Variants in CEP170B observed in about 807,000 individuals in gnomAD.
CEP170B encodes the protein centrosomal protein 170B.
Under a neutral mutation model 120.6 loss-of-function variants are expected in CEP170B, and 55 were observed. That is an observed-to-expected ratio of 0.46 (90% CI 0.37 to 0.57). The LOEUF (loss-of-function observed/expected upper bound fraction) is 0.57, where lower values mean the gene tolerates loss of function less well. CEP170B is among the 20% of genes least tolerant of loss of function. CEP170B has a pLI of 0.00. For synonymous variants in CEP170B, 1,033 were observed against 954.5 expected, an observed-to-expected ratio of 1.08 and a Z score of -1.52; for missense variants, 2,212 against 2,253.3, an observed-to-expected ratio of 0.98 and a Z score of 0.37.
Position 104,889,666 on chromosome 14 carries a change from G to A in CEP170B, c.3786G>A (p.Arg1262=), listed in dbSNP as rs74722628. Residue 1262 remains arginine (R), a synonymous_variant, in exon 13 of 19, where the codon CGG becomes CGA. Transcript: ENST00000414716. ...RAGSSSRARS[R]APGPRDTDDD... Reference sequence around the variant, plus strand: ...GCAGCTCCAGCCGGGCTCGTTCCCGGGCCCCCGGCCCCCGGGACACGGACG... The same window carrying A: ...GCAGCTCCAGCCGGGCTCGTTCCCGAGCCCCCGGCCCCCGGGACACGGACG... The A allele has an allele frequency of 6.2e-7, 1 of 1,612,108 alleles. No homozygotes were observed. Among genetic ancestry groups the A allele is most frequent in the South Asian group, 1.1e-5 (1 of 91,070 alleles).
intron 13 of CEP170B, among the ~76,000 whole-genome samples, chr14:104,889,999 AGGG>A (rs1566872656): frequency 9.8e-4 from 2 of 2,042 alleles, no homozygotes; most frequent in Admixed American, 0.012. Context: ...GATGGATAGG[AGGG>A]TGGGTGGGTG....
chr14:104,889,549 G>A (rs761175449), intron 12 of CEP170B, 71 bp from the exon 13 acceptor site: 26 of 1,598,944 alleles, frequency 1.6e-5, no homozygotes, highest in East Asian at 8.9e-5. Flanking sequence ...CGGATTACAC[G>A]TCCACCTCTG....
In CEP170B at chr14:104,887,940, TCAG is replaced by T; in HGVS notation, c.3705_3707del (p.Ser1235del). On this transcript the variant is annotated inframe_deletion, in exon 12 of 19. Transcript: ENST00000414716. ...ACCACCACGGGTCCCCGCCAGCCCT[TCAG>T]CAGGGCCCGCTCAGGCAGTGCCCGA... is the stretch of plus-strand genomic sequence containing the variant. The T allele has an allele frequency of 6.5e-7, 1 of 1,541,620 alleles. No homozygotes were observed. Among genetic ancestry groups the T allele is most frequent in the Non-Finnish European group, 8.7e-7 (1 of 1,148,228 alleles).
intron 3 of CEP170B, 75 bp from the exon 4 acceptor site, chr14:104,877,810 A>AC: frequency 1.2e-5 from 4 of 334,196 alleles, no homozygotes; most frequent in South Asian, 9.5e-5. Context: ...GCTCAGCCCC[A>AC]CCACCCTGCG....
Position 104,870,949 on chromosome 14 carries a change from C to A in CEP170B, c.105+2394C>A, listed in dbSNP as rs56688900. On this transcript the variant is annotated intron_variant, in intron 2 of 18. Transcript: ENST00000414716. This position sits in a 1 kb window ranked among gnomAD's most constrained non-coding sequence, Gnocchi z 4.1. ...CTACCTGCCCACCGCTGCCCCCTGC[C>A]GGCCTCTGTCACCCCTCACTCCCTG... Among the ~76,000 whole-genome samples, 1 of 152,014 alleles carries A rather than the reference C, an allele frequency of 6.6e-6. No individual in the cohort carries two copies.
intron 12 of CEP170B, 68 bp from the exon 13 acceptor site, chr14:104,889,552 C>T: frequency 6.2e-7 from 1 of 1,600,174 alleles, no homozygotes; most frequent in South Asian, 1.1e-5. Context: ...ATTACACGTC[C>T]ACCTCTGAGG....
intron 6 of CEP170B, among the ~76,000 whole-genome samples, chr14:104,882,250 C>T (rs962615057): frequency 1.3e-5 from 2 of 152,224 alleles, no homozygotes; most frequent in African/African-American, 4.8e-5. Flanking sequence ...GCTGCCCACC[C>T]CCAGGGCCAC....
At chr14:104,888,662 G>A (rs557392390) in intron 12 of CEP170B, among the ~76,000 whole-genome samples, 10 of 152,368 alleles carry the variant, frequency 6.6e-5, no homozygotes, top group African/African-American at 2.4e-4. Flanking sequence ...GAGCTGTCCT[G>A]CGAGTGGATT....
At chr14:104,885,335 ACCC>A (rs1420854535) in intron 9 of CEP170B, 31 bp from the exon 10 acceptor site, 6 of 1,516,982 alleles carry the variant, frequency 4.0e-6, no homozygotes, top group Admixed American at 2.2e-5. Flanking sequence ...GGCTTCTCTG[ACCC>A]TCGGTGCCTG....
In CEP170B at chr14:104,887,714, G is replaced by T; in HGVS notation, c.3475G>T (p.Glu1159Ter). ...TGAGCCCGTGGGCCGGCCAGCTGCT[G>T]AGCAGGCCAAGAAGCTGTCACGCCT... ...NPEPVGRPAA[E>*]QAKKLSRLDI... is the part of the protein sequence containing the mutation. Residue 1159 changes from glutamate to a stop codon, truncating the protein, a stop_gained, in exon 12 of 19, where the codon GAG becomes TAG. Transcript: ENST00000414716. LOFTEE classifies it high-confidence loss of function. 6.3e-7 allele frequency: 1 copy of T among 1,586,314 alleles called. No homozygotes were observed. Among genetic ancestry groups the T allele is most frequent in the East Asian group, 2.3e-5 (1 of 43,616 alleles).
chr14:104,868,489 C>T lies in CEP170B; in HGVS notation c.39C>T (p.Gly13=), dbSNP rs770013504. 16 of 1,549,260 alleles carry T rather than the reference C, an allele frequency of 1.0e-5. No individual in the cohort carries two copies. The highest frequency in any genetic ancestry group is 1.2e-5 in the South Asian group (1 of 84,016). The change falls in exon 2 of 19, where the codon GGC becomes GGT. Residue 13 remains glycine, a synonymous_variant. Coordinates refer to ENST00000414716, the MANE Select transcript of CEP170B (RefSeq NM_001112726.3). The surrounding 1 kb of genome is among the most constrained non-coding windows in gnomAD (Gnocchi z 5.9). ...CCTGGTTCCTGGTGAGCAGCAGCGGCGCCCGCCACCGGCTCCCTCGGGAGC... is the reference window on the plus strand; with the variant it reads ...CCTGGTTCCTGGTGAGCAGCAGCGGTGCCCGCCACCGGCTCCCTCGGGAGC... ...ATSWFLVSSS[G]ARHRLPRELI...
intron 10 of CEP170B, 133 bp downstream of exon 10, chr14:104,885,675 TG>T: frequency 8.0e-7 from 1 of 1,256,530 alleles, no homozygotes; most frequent in Non-Finnish European, 1.1e-6. Context: ...CAGAGGAGGG[TG>T]GGCTGGGGCT....
At chr14:104,866,918 C>T (rs78092206) in intron 1 of CEP170B, among the ~76,000 whole-genome samples, 3,302 of 152,232 alleles carry the variant, frequency 0.022, 58 homozygotes, top group Non-Finnish European at 0.034. Flanking sequence ...CTGCTGTCAT[C>T]CCTGTCCTGG....
At chr14:104,883,721 C>T in intron 8 of CEP170B, 110 bp from the exon 9 acceptor site, 2 of 1,198,624 alleles carry the variant, frequency 1.7e-6, no homozygotes, top group South Asian at 3.2e-5. Context: ...GCCCTGAGGG[C>T]TGGGGTGCTT....
intron 2 of CEP170B, among the ~76,000 whole-genome samples, chr14:104,869,717 G>T (rs1399448706): frequency 1.3e-5 from 2 of 152,170 alleles, no homozygotes; most frequent in African/African-American, 4.8e-5. Flanking sequence ...GAGGAAGCTG[G>T]CTCACCCCTT....
At chr14:104,880,546 C>T (rs1896092829) in intron 6 of CEP170B, 121 bp downstream of exon 6, 3 of 1,420,870 alleles carry the variant, frequency 2.1e-6, no homozygotes, top group Non-Finnish European at 1.9e-6. Context: ...ACCCATACCC[C>T]TCACCCTTTG....
rs945956701 is a variant in CEP170B at position 104,865,767 on chromosome 14, C to G, written c.-28+254C>G. The stretch of plus-strand genomic sequence containing the variant: ...GGGCGGCAAGCCTGGGCACCCGGGT[C>G]CCCGCCCCGGCACCGGCTCGGCCAT... On this transcript the variant is annotated intron_variant, in intron 1 of 18. Transcript: ENST00000414716. This position sits in a 1 kb window ranked among gnomAD's most constrained non-coding sequence, Gnocchi z 6.7. Among the ~76,000 whole-genome samples the G allele has an allele frequency of 1.1e-4, 16 of 152,186 alleles. No homozygotes were observed. The South Asian group carries it at 1.2e-3, about 12-fold the overall frequency.
In CEP170B at chr14:104,887,335, G is replaced by T. The variant is rs1411888880; in HGVS notation, c.3096G>T (p.Arg1032Ser). Reference protein sequence around the residue: ...RGEPVRRSAIRRGHRPRGSLD... With the variant: ...RGEPVRRSAISRGHRPRGSLD... The stretch of plus-strand genomic sequence containing the variant: ...AGCCGGTACGGCGCTCAGCCATAAG[G>T]CGTGGCCACAGGCCCCGAGGGTCCC... The change falls in exon 12 of 19, where the codon AGG becomes AGT. Residue 1032 changes from arginine (R) to serine (S), a missense_variant. This residue lies in a region of CEP170B where 2,166 missense variants were observed against 2,166.7 expected (regional missense o/e 1.00). Transcript: ENST00000414716. The T allele has an allele frequency of 1.2e-6, 2 of 1,611,340 alleles. No individual in the cohort carries two copies. Among genetic ancestry groups the T allele is most frequent in the African/African-American group, 2.7e-5 (2 of 75,058 alleles).
intron 2 of CEP170B, among the ~76,000 whole-genome samples, chr14:104,872,191 T>TCCGTGG (rs1895533502): frequency 7.3e-6 from 1 of 137,524 alleles, no homozygotes; most frequent in Non-Finnish European, 1.5e-5. Flanking sequence ...GTGTGCTGTG[T>TCCGTGG]GTGTGCCGTG....
Sources: allele counts gnomAD v4.1 joint callset (sites outside exome capture counted in the v4.1 genomes callset), GRCh38; gene constraint gnomAD v4.1.1; regional missense constraint gnomAD v4.1.1; non-coding constraint Gnocchi (gnomAD v3.1); transcripts MANE v1.5; gene names NCBI Gene and HGNC (gene_info 2026-07-23, HGNC 2026-07-21).